ERGIC1: variants seen among roughly 807,000 people sequenced by gnomAD.
The protein encoded by ERGIC1 is endoplasmic reticulum-golgi intermediate compartment 1, also known as endoplasmic reticulum-Golgi intermediate compartment protein 1.
ERGIC1 carries 19 observed loss-of-function variants against 38.3 expected under a neutral mutation model. The ratio of observed to expected loss-of-function variants is 0.50; its 90% CI spans 0.35 to 0.73. ERGIC1 has a LOEUF of 0.73. Ranked by LOEUF, ERGIC1 falls within the 30% of genes least tolerant of loss-of-function variation. The probability of loss-of-function intolerance (pLI) is 0.01; values close to 1 mark genes in which losing one functional copy is unlikely to be tolerated. For missense variants in ERGIC1, 294 were observed against 389.2 expected (o/e 0.76, Z 2.06); for synonymous variants, 124 against 157.6 (o/e 0.79, Z 1.60).
chr5:172,884,501 C>G (rs1016184812), intron 1 of ERGIC1, among the ~76,000 whole-genome samples: 2 of 152,180 alleles, frequency 1.3e-5, no homozygotes, highest in African/African-American at 2.4e-5. Flanking sequence ...GCGATCCCCC[C>G]ACCTGGGCCT....
intron 4 of ERGIC1, among the ~76,000 whole-genome samples, chr5:172,914,247 A>ATAAAAAT (rs1406597362): frequency 7.8e-6 from 1 of 127,914 alleles, no homozygotes; most frequent in East Asian, 2.0e-4. Flanking sequence ...AAAAAAAAAA[A>ATAAAAAT]AAAAAAAAAA....
intron 1 of ERGIC1, among the ~76,000 whole-genome samples, chr5:172,886,074 C>T (rs546205524): frequency 6.6e-6 from 1 of 152,162 alleles, no homozygotes; most frequent in African/African-American, 2.4e-5. Context: ...CCCACCCCTA[C>T]CTCCCAAATT....
At chr5:172,885,305 A>T (rs1334744695) in intron 1 of ERGIC1, among the ~76,000 whole-genome samples, 2 of 149,690 alleles carry the variant, frequency 1.3e-5, no homozygotes, top group East Asian at 2.0e-4. Context: ...AATTTTGTTC[A>T]TTTTTTTTTG....
intron 1 of ERGIC1, among the ~76,000 whole-genome samples, chr5:172,860,064 T>C (rs1020724095): frequency 2.0e-5 from 3 of 152,238 alleles, no homozygotes; most frequent in African/African-American, 4.8e-5. Flanking sequence ...AACCATCCCA[T>C]GCTCCTATAT....
chr5:172,863,427 C>T (rs1581521786), intron 1 of ERGIC1, among the ~76,000 whole-genome samples: 1 of 152,300 alleles, frequency 6.6e-6, no homozygotes, highest in East Asian at 1.9e-4. Flanking sequence ...CTAAAACCGT[C>T]TCAGGTACAC....
At chr5:172,919,317 G>A (rs1561736147) in intron 5 of ERGIC1, among the ~76,000 whole-genome samples, 1 of 152,150 alleles carries the variant, frequency 6.6e-6, no homozygotes. Context: ...CTCACTGTGG[G>A]CCCCCCGCCC....
In ERGIC1 at chr5:172,846,385, G is replaced by A. The variant is rs910478868; in HGVS notation, c.20+11952G>A. Among the ~76,000 whole-genome samples, 1 of 152,224 alleles carries A rather than the reference G, an allele frequency of 6.6e-6. No homozygotes were observed. Among genetic ancestry groups the A allele is most frequent in the African/African-American group, 2.4e-5 (1 of 41,442 alleles). On this transcript the variant is annotated intron_variant, in intron 1 of 9. Transcript: ENST00000393784. The surrounding 1 kb of genome is among the most constrained non-coding windows in gnomAD (Gnocchi z 4.0). ...TCTGAGCCCAGCAGCGTAAGATGGG[G>A]CAGGAGAAGGAGCTTGTAAGAACCC...
chr5:172,919,032 G>A (rs1763446359), intron 5 of ERGIC1, among the ~76,000 whole-genome samples: 1 of 152,180 alleles, frequency 6.6e-6, no homozygotes, highest in Non-Finnish European at 1.5e-5. Context: ...GTGCTATTGA[G>A]CATCCACCTC....
chr5:172,852,020 C>T (rs140565753), intron 1 of ERGIC1, among the ~76,000 whole-genome samples: 1 of 151,986 alleles, frequency 6.6e-6, no homozygotes, highest in African/African-American at 2.4e-5. Flanking sequence ...TCTGGAAATC[C>T]CAGGCAGGGA....
At position 172,932,516 on chromosome 5, in the gene ERGIC1, CA is replaced by C; in HGVS notation, c.623del (p.Gln208ArgfsTer129). On this transcript the variant is annotated frameshift_variant, in exon 8 of 10. Transcript: ENST00000393784. LOFTEE classifies it high-confidence loss of function. ...GAGTGGCAAGCAGCGGTACTCCTAC[CA>C]GTACACGGTGGCCAACAAGGTGCGC... is the stretch of plus-strand genomic sequence containing the variant. ...DKSGKQRYSY[Q>X]YTVANKEYVA... 2.5e-6 allele frequency: 4 copies of C among 1,614,134 alleles called. No homozygotes were observed. The highest frequency in any genetic ancestry group is 3.4e-6 in the Non-Finnish European group (4 of 1,180,014).
intron 3 of ERGIC1, among the ~76,000 whole-genome samples, chr5:172,901,874 T>C (rs1288481099): frequency 6.6e-6 from 1 of 152,116 alleles, no homozygotes; most frequent in African/African-American, 2.4e-5. Flanking sequence ...GTGCTGGGAT[T>C]ATAGGCATGC....
chr5:172,860,233 T>A (rs1050482742), intron 1 of ERGIC1, among the ~76,000 whole-genome samples: 26 of 152,204 alleles, frequency 1.7e-4, no homozygotes, highest in African/African-American at 5.5e-4. Flanking sequence ...GACGGGGAAC[T>A]AGCAGAGGAG....
chr5:172,889,214 G>A (rs1392166758), intron 2 of ERGIC1, among the ~76,000 whole-genome samples: 1 of 151,302 alleles, frequency 6.6e-6, no homozygotes, highest in Non-Finnish European at 1.5e-5. Context: ...AAACAGGGAG[G>A]TGGAGGTTGC....
chr5:172,857,144 A>G (rs573317287), intron 1 of ERGIC1, among the ~76,000 whole-genome samples: 2 of 152,336 alleles, frequency 1.3e-5, no homozygotes, highest in Admixed American at 6.5e-5. Context: ...ACCATGTTTT[A>G]TGTATCTTAA....
intron 1 of ERGIC1, among the ~76,000 whole-genome samples, chr5:172,885,704 T>C (rs374560796): frequency 1.7e-5 from 2 of 119,100 alleles, no homozygotes; most frequent in East Asian, 4.3e-4. Flanking sequence ...GCTGCAGCCC[T>C]TTCCTGCTGC....
intron 5 of ERGIC1, chr5:172,915,378 C>T (rs563995114): frequency 3.4e-5 from 15 of 435,292 alleles, no homozygotes; most frequent in East Asian, 3.2e-4. Context: ...TAGAGGGAGA[C>T]AGTCTACAAA....
intron 5 of ERGIC1, among the ~76,000 whole-genome samples, chr5:172,919,840 C>T (rs935028388): frequency 1.3e-5 from 2 of 152,200 alleles, no homozygotes; most frequent in African/African-American, 4.8e-5. Context: ...CTTCTCTGGT[C>T]AGGGGAGTGC....
intron 1 of ERGIC1, among the ~76,000 whole-genome samples, chr5:172,843,827 C>G (rs183551112): frequency 2.0e-5 from 3 of 152,374 alleles, no homozygotes; most frequent in Admixed American, 1.3e-4. Flanking sequence ...GGACAAGACA[C>G]TTTGCCTCTG....
chr5:172,908,048 G>C (rs1468738463), intron 3 of ERGIC1, among the ~76,000 whole-genome samples: 1 of 151,764 alleles, frequency 6.6e-6, no homozygotes, highest in Non-Finnish European at 1.5e-5. Flanking sequence ...AAATATGGCC[G>C]ATGCGGTCGA....
Sources: gnomAD v4.1 joint callset for allele counts (sites outside exome capture counted in the v4.1 genomes callset) on GRCh38, gnomAD v4.1.1 for gene constraint, Gnocchi (gnomAD v3.1) non-coding constraint, MANE v1.5 for transcripts, NCBI Gene and HGNC (gene_info 2026-07-23, HGNC 2026-07-21) for gene names.